The following CNTNAP2 variants were observed in gnomAD, a reference collection of about 807,000 sequenced individuals.
CNTNAP2 encodes contactin associated protein 2.
A neutral mutation model predicts 155.2 loss-of-function variants in CNTNAP2; 98 were observed. The ratio of observed to expected loss-of-function variants is 0.63; its 90% CI spans 0.54 to 0.75. CNTNAP2 has a LOEUF of 0.75. Ranked by LOEUF, CNTNAP2 falls within the 30% of genes least tolerant of loss-of-function variation. CNTNAP2 has a pLI of 0.00. For missense variants in CNTNAP2, 1,727 were observed against 1,688.1 expected, an observed-to-expected ratio of 1.02 and a Z score of -0.40; for synonymous variants, 651 against 631.2, an observed-to-expected ratio of 1.03 and a Z score of -0.47.
At chr7:146,855,278 C>A (rs1252014494) in intron 3 of CNTNAP2, among the ~76,000 whole-genome samples, 1 of 152,016 alleles carries the variant, frequency 6.6e-6, no homozygotes, top group Non-Finnish European at 1.5e-5. Flanking sequence ...ATTGGCAATA[C>A]CCAGCAGAAC....
intron 15 of CNTNAP2, among the ~76,000 whole-genome samples, chr7:148,098,105 T>A (rs1325806883): frequency 6.6e-6 from 1 of 152,052 alleles, no homozygotes; most frequent in Non-Finnish European, 1.5e-5. Context: ...ATGTGGGAAG[T>A]GTTCTGGGCA....
At chr7:146,430,145 A>G (rs377531501) in intron 1 of CNTNAP2, among the ~76,000 whole-genome samples, 26 of 149,908 alleles carry the variant, frequency 1.7e-4, no homozygotes, top group African/African-American at 6.4e-4. Context: ...GAATATTCGC[A>G]TCGATGTTCA....
chr7:146,444,400 A>G (rs1796371471), intron 1 of CNTNAP2, among the ~76,000 whole-genome samples: 1 of 152,168 alleles, frequency 6.6e-6, no homozygotes, highest in Non-Finnish European at 1.5e-5. Context: ...AGATTTACTA[A>G]TAATTTAAAG....
chr7:147,776,438 ACT>A (rs201675990), intron 13 of CNTNAP2, among the ~76,000 whole-genome samples: 2,108 of 152,228 alleles, frequency 0.014, 27 homozygotes, highest in Non-Finnish European at 0.022. Context: ...TCAATGAGAA[ACT>A]CTGCACTGAG....
chr7:146,498,576 T>G (rs1050945093), intron 1 of CNTNAP2, among the ~76,000 whole-genome samples: 1 of 152,292 alleles, frequency 6.6e-6, no homozygotes, highest in East Asian at 1.9e-4. Context: ...CAATTCCGTT[T>G]ACAATCAGTA....
intron 1 of CNTNAP2, among the ~76,000 whole-genome samples, chr7:146,741,086 A>G (rs1801708243): frequency 6.6e-6 from 1 of 151,860 alleles, no homozygotes; most frequent in African/African-American, 2.4e-5. Context: ...CTTTCATTCT[A>G]TCTAGTGGAT....
At chr7:146,775,233 A>G (rs1441395280) in intron 2 of CNTNAP2, among the ~76,000 whole-genome samples, 1 of 152,114 alleles carries the variant, frequency 6.6e-6, no homozygotes, top group Non-Finnish European at 1.5e-5. Flanking sequence ...TAAGTTTTGG[A>G]TATCTATTGT....
chr7:147,135,207 T>C (rs183285997), intron 8 of CNTNAP2, among the ~76,000 whole-genome samples: 36 of 151,992 alleles, frequency 2.4e-4, no homozygotes, highest in Non-Finnish European at 2.5e-4. Context: ...GTGATTACTG[T>C]CTTCAAGAGT....
intron 13 of CNTNAP2, among the ~76,000 whole-genome samples, chr7:147,717,693 T>G (rs906667029): frequency 3.3e-5 from 5 of 152,194 alleles, no homozygotes; most frequent in African/African-American, 1.2e-4. Flanking sequence ...TTCATACTAT[T>G]GATGAAAAAA....
chr7:147,466,937 T>C (rs1798130753), intron 10 of CNTNAP2, among the ~76,000 whole-genome samples: 1 of 152,128 alleles, frequency 6.6e-6, no homozygotes, highest in African/African-American at 2.4e-5. Context: ...ATAATAATAA[T>C]AATTTACTAA....
intron 2 of CNTNAP2, among the ~76,000 whole-genome samples, chr7:146,813,906 T>C (rs1803115828): frequency 6.6e-6 from 1 of 152,070 alleles, no homozygotes; most frequent in African/African-American, 2.4e-5. Context: ...GATCTGATGG[T>C]TTTATGAAGG....
At chr7:146,557,899 C>A (rs958569993) in intron 1 of CNTNAP2, among the ~76,000 whole-genome samples, 1 of 152,188 alleles carries the variant, frequency 6.6e-6, no homozygotes, top group African/African-American at 2.4e-5. Context: ...ACACTATCAT[C>A]TCATGTTAAA....
intron 15 of CNTNAP2, among the ~76,000 whole-genome samples, chr7:148,068,801 G>C (rs1297430387): frequency 6.6e-6 from 1 of 152,288 alleles, no homozygotes; most frequent in Non-Finnish European, 1.5e-5. Flanking sequence ...TGTTCCCTCA[G>C]CTCCTTTCAG....
intron 1 of CNTNAP2, among the ~76,000 whole-genome samples, chr7:146,510,139 G>A (rs957915482): frequency 6.6e-6 from 1 of 152,192 alleles, no homozygotes; most frequent in African/African-American, 2.4e-5. Flanking sequence ...ACCACAGGCA[G>A]TTGGGACATG....
intron 1 of CNTNAP2, among the ~76,000 whole-genome samples, chr7:146,205,925 A>G (rs1798939906): frequency 1.3e-5 from 2 of 151,964 alleles, no homozygotes; most frequent in South Asian, 4.1e-4. Context: ...CTATGAGGCT[A>G]CCAACATAGC....
chr7:147,170,247 C>T (rs10952674), intron 8 of CNTNAP2, among the ~76,000 whole-genome samples: 52,470 of 151,700 alleles, frequency 0.35, 9,838 homozygotes, highest in East Asian at 0.56. Flanking sequence ...GGGTGCAATC[C>T]GTAGATGGTG....
At chr7:146,367,891 G>A (rs1304801106) in intron 1 of CNTNAP2, among the ~76,000 whole-genome samples, 1 of 152,014 alleles carries the variant, frequency 6.6e-6, no homozygotes, top group East Asian at 1.9e-4. Flanking sequence ...ACATTAGCTT[G>A]CACAGGCCTT....
At chr7:147,075,267 G>A (rs1441469815) in intron 4 of CNTNAP2, among the ~76,000 whole-genome samples, 1 of 152,160 alleles carries the variant, frequency 6.6e-6, no homozygotes, top group Non-Finnish European at 1.5e-5. Flanking sequence ...TACTGGATGA[G>A]AAGTATTAGT....
chr7:146,351,740 C>T (rs1212822815), intron 1 of CNTNAP2, among the ~76,000 whole-genome samples: 1 of 152,138 alleles, frequency 6.6e-6, no homozygotes, highest in Non-Finnish European at 1.5e-5. Context: ...ATATTGCCAT[C>T]GTCATTAGCA....
Sources: allele counts gnomAD v4.1 joint callset (sites outside exome capture counted in the v4.1 genomes callset), GRCh38; gene constraint gnomAD v4.1.1; transcripts MANE v1.5; gene names NCBI Gene and HGNC (gene_info 2026-07-23, HGNC 2026-07-21).